Variants in ZFAT observed in about 807,000 individuals in gnomAD.
The protein encoded by ZFAT is zinc finger protein ZFAT.
In ZFAT, 64 loss-of-function variants were observed where a neutral mutation model predicts 117.7. That is an observed-to-expected ratio of 0.54 (90% CI 0.44 to 0.67). The LOEUF is 0.67. Ranked by LOEUF, ZFAT falls within the 30% of genes least tolerant of loss-of-function variation. The pLI is 0.00. For missense variants in ZFAT, 1,433 were observed against 1,584.5 expected (o/e 0.90, Z 1.62); for synonymous variants, 679 against 615.0 (o/e 1.10, Z -1.54).
intron 9 of ZFAT, among the ~76,000 whole-genome samples, chr8:134,585,201 C>T (rs1563633303): frequency 6.6e-6 from 1 of 152,264 alleles, no homozygotes; most frequent in South Asian, 2.1e-4. Context: ...CTCACAAGAG[C>T]AGGGCCACAG....
chr8:134,668,442 C>T (rs955837522), intron 1 of ZFAT, among the ~76,000 whole-genome samples: 3 of 152,262 alleles, frequency 2.0e-5, no homozygotes, highest in African/African-American at 7.2e-5. Context: ...ATTTGCCATT[C>T]ACCAATATCC....
chr8:134,562,389 G>A (rs1019579989), intron 11 of ZFAT, among the ~76,000 whole-genome samples: 1 of 152,152 alleles, frequency 6.6e-6, no homozygotes, highest in Non-Finnish European at 1.5e-5. Flanking sequence ...AGGAGCAATA[G>A]GAAATTAACA....
At chr8:134,611,755 C>CT (rs1828345070) in intron 3 of ZFAT, among the ~76,000 whole-genome samples, 1 of 152,296 alleles carries the variant, frequency 6.6e-6, no homozygotes, top group African/African-American at 2.4e-5. Context: ...GAAACAATGC[C>CT]TGGGGCCTGC....
chr8:134,748,724 G>T, the ZFAT span, among the ~76,000 whole-genome samples: 1 of 152,110 alleles, frequency 6.6e-6, no homozygotes, highest in Non-Finnish European at 1.5e-5. Context: ...TAGCCAACAC[G>T]CAGTATTGTT....
chr8:134,602,321 C>T lies in ZFAT; in HGVS notation c.1398G>A (p.Lys466=), dbSNP rs1022583158. ...TGCGCAGCCTGATGGAGCTGACGAACTTCTTGCGGCAGACGGCACAGACGT... is the reference window on the plus strand; with the variant it reads ...TGCGCAGCCTGATGGAGCTGACGAATTTCTTGCGGCAGACGGCACAGACGT... The part of the protein sequence containing the change: ...FVYVCAVCRK[K]FVSSIRLRTH... Residue 466 remains lysine, a synonymous_variant, in exon 6 of 16, where the codon AAG becomes AAA. Coordinates refer to ENST00000377838, the MANE Select transcript of ZFAT (RefSeq NM_020863.4). 4 of 1,613,942 alleles carry T rather than the reference C, an allele frequency of 2.5e-6. No homozygotes were observed. The Admixed American group carries it at 6.7e-5, about 27-fold the overall frequency.
At chr8:134,767,004 G>A in the ZFAT span, 6 of 152,102 alleles carry the variant, frequency 3.9e-5, no homozygotes, top group East Asian at 3.9e-4. Flanking sequence ...AACACTATTC[G>A]GATGGCTCTC....
intron 1 of ZFAT, among the ~76,000 whole-genome samples, chr8:134,670,979 A>G (rs1247896785): frequency 1.3e-5 from 2 of 152,138 alleles, no homozygotes; most frequent in South Asian, 2.1e-4. Context: ...AAACACCTCT[A>G]TGTAAATAAA....
intron 5 of ZFAT, among the ~76,000 whole-genome samples, chr8:134,605,242 C>T (rs1457839520): frequency 6.6e-6 from 1 of 152,188 alleles, no homozygotes; most frequent in East Asian, 1.9e-4. Context: ...GGTACTCTCA[C>T]CACTGCTTTT....
At position 134,545,506 on chromosome 8, in the gene ZFAT, T is replaced by A. The variant is rs72609895; in HGVS notation, c.2977-12534A>T. ...TCTGTCTCTACAAAAAGTAATAAAT[T>A]AAAAAAATGAGACATGGTTTAGAGA... On this transcript the variant is annotated intron_variant, in intron 11 of 15. Transcript: ENST00000377838. Among the ~76,000 whole-genome samples, 6 of 151,888 alleles carry A rather than the reference T, an allele frequency of 4.0e-5. No homozygotes were observed. The East Asian group carries it at 9.7e-4, about 24-fold the overall frequency.
Position 134,610,217 on chromosome 8 carries a change from G to A in ZFAT, c.634+253C>T, listed in dbSNP as rs543098097. Among the ~76,000 whole-genome samples the A allele has an allele frequency of 4.6e-5, 7 of 152,364 alleles. No homozygotes were observed. The South Asian group carries it at 1.4e-3, about 32-fold the overall frequency. On this transcript the variant is annotated intron_variant, in intron 4 of 15. Transcript: ENST00000377838. ...TCCCGGAACCACTACTCCAGCAGGA[G>A]CAGCACGGCGGAGCTGTGGGACTAC... is the stretch of plus-strand genomic sequence containing the variant.
the ZFAT span, among the ~76,000 whole-genome samples, chr8:134,725,166 A>G: frequency 3.3e-5 from 5 of 151,994 alleles, 1 homozygote; most frequent in Admixed American, 2.6e-4. Context: ...GGCACACTGT[A>G]CCGCCCCATC....
intron 1 of ZFAT, among the ~76,000 whole-genome samples, chr8:134,691,401 A>G (rs1212408046): frequency 6.6e-6 from 1 of 152,236 alleles, no homozygotes; most frequent in Non-Finnish European, 1.5e-5. Context: ...GCCTCCACGG[A>G]CACAGTGTCT....
intron 11 of ZFAT, among the ~76,000 whole-genome samples, chr8:134,554,482 C>A (rs990082529): frequency 3.3e-5 from 5 of 152,206 alleles, no homozygotes; most frequent in Non-Finnish European, 7.3e-5. Context: ...AGTGACCCAT[C>A]AACCTCTTCC....
rs1586686816 is a variant in ZFAT at position 134,548,688 on chromosome 8, T to G, written c.2977-15716A>C. Among the ~76,000 whole-genome samples, 2 of 152,140 alleles carry G rather than the reference T, an allele frequency of 1.3e-5. 1 individual carries two copies. The highest frequency in any genetic ancestry group is 4.1e-4 in the South Asian group (2 of 4,822). ...GAGGAGAGGGACTTCTCCAGCCAAA[T>G]GAGATTGAAAATCACTGCATACTGT... On this transcript the variant is annotated intron_variant, in intron 11 of 15. Transcript: ENST00000377838.
chr8:134,716,725 C>T (rs1002337667), upstream of ZFAT, among the ~76,000 whole-genome samples: 1 of 152,108 alleles, frequency 6.6e-6, no homozygotes, highest in Non-Finnish European at 1.5e-5. Context: ...ACAAGTTGAG[C>T]CATGAGGCTT....
intron 10 of ZFAT, among the ~76,000 whole-genome samples, chr8:134,576,195 A>G (rs1357269616): frequency 6.6e-6 from 1 of 152,232 alleles, no homozygotes; most frequent in Non-Finnish European, 1.5e-5. Context: ...TCTGTATATC[A>G]ATCTAAGCTA....
chr8:134,699,728 G>A, intron 1 of ZFAT, among the ~76,000 whole-genome samples: 1 of 152,208 alleles, frequency 6.6e-6, no homozygotes, highest in East Asian at 1.9e-4. Flanking sequence ...ATCCCAACAT[G>A]AGAGAACTGC....
At chr8:134,802,279 A>G in the ZFAT span, among the ~76,000 whole-genome samples, 1 of 152,202 alleles carries the variant, frequency 6.6e-6, no homozygotes, top group African/African-American at 2.4e-5. Flanking sequence ...TGATATTCAA[A>G]CTAAAAAAAA....
chr8:134,793,699 T>TA, the ZFAT span: 1 of 150,244 alleles, frequency 6.7e-6, no homozygotes, highest in Non-Finnish European at 1.5e-5. Context: ...GCCCAGTGCC[T>TA]AACAGGCCAC....
Sources: gnomAD v4.1 joint callset for allele counts (sites outside exome capture counted in the v4.1 genomes callset) on GRCh38, gnomAD v4.1.1 for gene constraint, MANE v1.5 for transcripts, NCBI Gene and HGNC (gene_info 2026-07-23, HGNC 2026-07-21) for gene names.